The following EXOC6B variants were observed in gnomAD, a reference collection of about 807,000 sequenced individuals.
EXOC6B encodes the protein exocyst complex component 6B.
EXOC6B carries 54 observed loss-of-function variants against 113.5 expected under a neutral mutation model. The ratio of observed to expected loss-of-function variants is 0.48; its 90% CI spans 0.38 to 0.60. The LOEUF is 0.60. EXOC6B is among the 20% of genes least tolerant of loss of function. The probability of loss-of-function intolerance (pLI) is 0.00; values close to 1 mark genes in which losing one functional copy is unlikely to be tolerated. For missense variants in EXOC6B, 797 were observed against 977.5 expected, an observed-to-expected ratio of 0.82 and a Z score of 2.46; for synonymous variants, 357 against 339.0, an observed-to-expected ratio of 1.05 and a Z score of -0.58.
At chr2:72,515,218 G>T in intron 8 of EXOC6B, 92 bp from the exon 9 acceptor site, 1 of 1,200,090 alleles carries the variant, frequency 8.3e-7, no homozygotes, top group Non-Finnish European at 1.2e-6. Context: ...TCTGGAATTT[G>T]AGGTAGTATC....
At chr2:72,265,188 G>T (rs1411899247) in intron 20 of EXOC6B, among the ~76,000 whole-genome samples, 3 of 151,918 alleles carry the variant, frequency 2.0e-5, no homozygotes, top group Non-Finnish European at 2.9e-5. Context: ...GTCTCAGATG[G>T]AGATGAGGAA....
chr2:72,796,328 T>C (rs111636941), intron 1 of EXOC6B, among the ~76,000 whole-genome samples: 51,831 of 151,062 alleles, frequency 0.34, 13,544 homozygotes, highest in African/African-American at 0.73. Context: ...TGGCGAGTGC[T>C]TGTAATCCCA....
chr2:72,665,872 C>T (rs1041987469), intron 6 of EXOC6B, among the ~76,000 whole-genome samples: 1 of 152,234 alleles, frequency 6.6e-6, no homozygotes, highest in Non-Finnish European at 1.5e-5. Context: ...AGTCTAAATA[C>T]CCCACTTAAA....
intron 19 of EXOC6B, among the ~76,000 whole-genome samples, chr2:72,361,540 G>A (rs1568145): frequency 0.11 from 16,025 of 152,170 alleles, 854 homozygotes; most frequent in African/African-American, 0.13. Flanking sequence ...TTAATTATAC[G>A]GAACTGGAGA....
intron 1 of EXOC6B, among the ~76,000 whole-genome samples, chr2:72,755,830 G>A (rs933769701): frequency 3.9e-5 from 6 of 152,178 alleles, no homozygotes; most frequent in African/African-American, 1.4e-4. Context: ...ACAGAAGGGG[G>A]AGGGTGACAG....
intron 18 of EXOC6B, among the ~76,000 whole-genome samples, chr2:72,381,162 G>A (rs1268247748): frequency 6.6e-6 from 1 of 152,058 alleles, no homozygotes; most frequent in Non-Finnish European, 1.5e-5. Flanking sequence ...GAAACAATAT[G>A]CTGTATTATT....
At chr2:72,730,885 C>T (rs1420317358) in intron 5 of EXOC6B, 122 bp downstream of exon 5, 4 of 485,378 alleles carry the variant, frequency 8.2e-6, no homozygotes, top group Admixed American at 6.3e-5. Flanking sequence ...AATAAATATA[C>T]AAAAGGTTAA....
intron 20 of EXOC6B, among the ~76,000 whole-genome samples, chr2:72,318,214 A>T (rs1297943320): frequency 6.6e-6 from 1 of 152,184 alleles, no homozygotes; most frequent in Non-Finnish European, 1.5e-5. Context: ...ATAAAAAATT[A>T]AAAACCGAAA....
chr2:72,272,332 T>C (rs1684543678), intron 20 of EXOC6B, among the ~76,000 whole-genome samples: 1 of 152,114 alleles, frequency 6.6e-6, no homozygotes, highest in Non-Finnish European at 1.5e-5. Flanking sequence ...ATGCAGCCTG[T>C]TTGGTGTGTA....
At chr2:72,666,503 A>G (rs1675399739) in intron 6 of EXOC6B, among the ~76,000 whole-genome samples, 1 of 151,508 alleles carries the variant, frequency 6.6e-6, no homozygotes, top group Non-Finnish European at 1.5e-5. Flanking sequence ...TTCCTATTCA[A>G]TATAGTGGTG....
chr2:72,636,369 G>GAAGGAAGGAAGGAAGC (rs771182488), intron 6 of EXOC6B, among the ~76,000 whole-genome samples: 19 of 96,618 alleles, frequency 2.0e-4, no homozygotes, highest in African/African-American at 1.2e-3. Flanking sequence ...AGGAAGGAAG[G>GAAGGAAGGAAGGAAGC]AAGCAAGGAA....
intron 19 of EXOC6B, among the ~76,000 whole-genome samples, chr2:72,339,344 T>C (rs1441472786): frequency 6.6e-6 from 1 of 152,168 alleles, no homozygotes; most frequent in Non-Finnish European, 1.5e-5. Context: ...TGGACTTATC[T>C]TTGCAATCCA....
chr2:72,617,523 T>C (rs6744082), intron 6 of EXOC6B, among the ~76,000 whole-genome samples: 116 of 137,132 alleles, frequency 8.5e-4, no homozygotes, highest in African/African-American at 3.0e-3. Context: ...TTTTCTTTTT[T>C]TTTTTTTTTT....
At chr2:72,810,163 T>C (rs991248943) in intron 1 of EXOC6B, among the ~76,000 whole-genome samples, 1 of 151,908 alleles carries the variant, frequency 6.6e-6, no homozygotes, top group African/African-American at 2.4e-5. Context: ...AATAGGAGCC[T>C]AAAGGGAAAT....
At chr2:72,709,403 G>A (rs996747917) in intron 6 of EXOC6B, among the ~76,000 whole-genome samples, 11 of 152,124 alleles carry the variant, frequency 7.2e-5, no homozygotes, top group African/African-American at 1.9e-4. Context: ...AGGGCACATC[G>A]CAGGGATTGT....
intron 16 of EXOC6B, among the ~76,000 whole-genome samples, chr2:72,483,183 A>G (rs919945954): frequency 6.6e-6 from 1 of 152,234 alleles, no homozygotes; most frequent in African/African-American, 2.4e-5. Context: ...GAGGAGGACT[A>G]AAATCATTTA....
At chr2:72,613,938 C>A (rs934053909) in intron 6 of EXOC6B, among the ~76,000 whole-genome samples, 1 of 152,040 alleles carries the variant, frequency 6.6e-6, no homozygotes, top group Non-Finnish European at 1.5e-5. Context: ...CTATGAAATT[C>A]AAATTTCAGT....
intron 6 of EXOC6B, among the ~76,000 whole-genome samples, chr2:72,628,617 A>G (rs1161340401): frequency 6.6e-6 from 1 of 152,020 alleles, no homozygotes; most frequent in Admixed American, 6.6e-5. Context: ...CATGAATAGG[A>G]TTAATGCCTT....
intron 1 of EXOC6B, among the ~76,000 whole-genome samples, chr2:72,822,678 A>AT (rs1419236073): frequency 4.9e-3 from 126 of 25,778 alleles, no homozygotes; most frequent in African/African-American, 0.016. Context: ...CAGGTATTTT[A>AT]GGGATATACT....
Sources: gnomAD v4.1 joint callset for allele counts (sites outside exome capture counted in the v4.1 genomes callset) on GRCh38, gnomAD v4.1.1 for gene constraint, MANE v1.5 for transcripts, NCBI Gene and HGNC (gene_info 2026-07-23, HGNC 2026-07-21) for gene names.